Variants in COA7 observed in about 807,000 individuals in gnomAD.
COA7 encodes the protein Sel1 repeat containing 1.
In COA7, 12 loss-of-function variants were observed where a neutral mutation model predicts 21.0. The observed-to-expected ratio is 0.57, with a 90% CI of 0.37 to 0.92. COA7 has a LOEUF of 0.92. Ranked by LOEUF, COA7 falls within the 40% of genes least tolerant of loss-of-function variation. The pLI, the probability that COA7 is intolerant of heterozygous loss-of-function variation, is 0.01. For missense variants in COA7, 240 were observed against 286.1 expected (o/e 0.84, Z 1.16); for synonymous variants, 95 against 107.4 (o/e 0.88, Z 0.72).
intron 1 of COA7, among the ~76,000 whole-genome samples, chr1:52,695,002 A>G (rs1474888070): frequency 6.6e-6 from 1 of 152,114 alleles, no homozygotes; most frequent in Non-Finnish European, 1.5e-5. Flanking sequence ...AAAATAAGTA[A>G]TATGATTCAG....
At chr1:52,691,447 ATTAC>A (rs1432866712) in intron 2 of COA7, among the ~76,000 whole-genome samples, 2 of 144,582 alleles carry the variant, frequency 1.4e-5, no homozygotes, top group Non-Finnish European at 3.0e-5. Context: ...CAAAGGTCCT[ATTAC>A]TTATTTATGT....
intron 1 of COA7, chr1:52,698,008 G>A (rs1156303822): frequency 1.1e-5 from 6 of 556,394 alleles, no homozygotes; most frequent in Non-Finnish European, 1.9e-5. Flanking sequence ...TAACCCAAAA[G>A]CCCCAGCACG....
chr1:52,690,615 A>C (rs1644038257), intron 2 of COA7, among the ~76,000 whole-genome samples: 1 of 152,092 alleles, frequency 6.6e-6, no homozygotes, highest in Non-Finnish European at 1.5e-5. Context: ...GGCTATCAAG[A>C]GTTTAGAAAA....
At chr1:52,690,056 AT>A (rs1321893119) in intron 2 of COA7, among the ~76,000 whole-genome samples, 3 of 149,084 alleles carry the variant, frequency 2.0e-5, no homozygotes, top group Admixed American at 1.3e-4. Context: ...AAAAAAAAAG[AT>A]GATTTTAAGT....
chr1:52,693,070 A>G (rs1644059563), intron 1 of COA7, among the ~76,000 whole-genome samples: 4 of 152,076 alleles, frequency 2.6e-5, no homozygotes, highest in African/African-American at 9.7e-5. Context: ...TTGTCTCCCC[A>G]CAGCCATGGA....
chr1:52,694,236 A>T (rs1205636292), intron 1 of COA7, among the ~76,000 whole-genome samples: 1 of 152,174 alleles, frequency 6.6e-6, no homozygotes, highest in African/African-American at 2.4e-5. Flanking sequence ...AGGCAGGCAG[A>T]TCACCTGAGG....
intron 1 of COA7, among the ~76,000 whole-genome samples, chr1:52,697,684 T>A (rs1200217129): frequency 6.6e-6 from 1 of 152,200 alleles, no homozygotes; most frequent in African/African-American, 2.4e-5. Context: ...ACCACTCTCC[T>A]GCCTCAGCCT....
chr1:52,689,999 C>T (rs1421717367), intron 2 of COA7, among the ~76,000 whole-genome samples: 2 of 148,224 alleles, frequency 1.3e-5, no homozygotes, highest in South Asian at 2.1e-4. Flanking sequence ...TGCACTCCAG[C>T]CTAGATGACA....
Position 52,687,513 on chromosome 1 carries a change from CA to C in COA7, c.*206del. On this transcript the variant is annotated 3_prime_UTR_variant, in exon 3 of 3. Coordinates refer to ENST00000371538, the MANE Select transcript of COA7 (RefSeq NM_023077.3). Reference sequence around the variant, plus strand: ...TGACTGTAATAAACATTGTACAGAACACCCAGATAAAGGAATATTGACTGAA... The same window carrying C: ...TGACTGTAATAAACATTGTACAGAACCCCAGATAAAGGAATATTGACTGAA... 1 of 599,882 alleles carries C rather than the reference CA, an allele frequency of 1.7e-6. No individual in the cohort carries two copies. Among genetic ancestry groups the C allele is most frequent in the Non-Finnish European group, 3.0e-6 (1 of 334,262 alleles). The allele number at this position is 599,882 out of a possible 1,614,324, so 37.2% of individuals were successfully genotyped here.
rs1643992760 is a variant in COA7 at position 52,685,265 on chromosome 1, C to G, written c.*2455G>C. 1 of 152,226 alleles carries G rather than the reference C, an allele frequency of 6.6e-6. No individual in the cohort carries two copies. Among genetic ancestry groups the G allele is most frequent in the African/African-American group, 2.4e-5 (1 of 41,462 alleles). The allele number at this position is 152,226 out of a possible 1,614,324, so 9.4% of individuals were successfully genotyped here. A position where few individuals can be genotyped will look rare whatever the true frequency, so the allele number is the denominator to read the frequency against. ...GGAATAAGAGTTCTGGTTGCTCCAACTTTCCCAGCATTTCATGCTGTCGGT... is the reference window on the plus strand; with the variant it reads ...GGAATAAGAGTTCTGGTTGCTCCAAGTTTCCCAGCATTTCATGCTGTCGGT... On this transcript the variant is annotated 3_prime_UTR_variant, in exon 3 of 3. Coordinates refer to ENST00000371538, the MANE Select transcript of COA7 (RefSeq NM_023077.3).
Position 52,691,608 on chromosome 1 carries a change from A to T in COA7, c.247+1119T>A, listed in dbSNP as rs542365743. 3.4e-4 allele frequency among the ~76,000 whole-genome samples: 52 copies of T among 151,542 alleles called. 1 individual carries two copies. Among genetic ancestry groups the T allele is most frequent in the Admixed American group, 1.3e-3 (19 of 15,178 alleles). On this transcript the variant is annotated intron_variant, in intron 2 of 2. Coordinates refer to ENST00000371538, the MANE Select transcript of COA7 (RefSeq NM_023077.3). ...TGCCTCAGCCTCCTGAGTAGCTGGG[A>T]TTACAGGTGCGCGCCACCACGCCCA...
intron 1 of COA7, among the ~76,000 whole-genome samples, chr1:52,694,160 G>A (rs1389160964): frequency 6.6e-6 from 1 of 152,182 alleles, no homozygotes; most frequent in African/African-American, 2.4e-5. Context: ...ACAGGTACAA[G>A]TGCATTATTT....
intron 1 of COA7, chr1:52,697,919 T>C: frequency 5.7e-6 from 2 of 353,204 alleles, no homozygotes; most frequent in Non-Finnish European, 5.2e-6. Context: ...CTGAGGCTTA[T>C]TGCCCGACTC....
At chr1:52,696,031 A>C (rs1207208861) in intron 1 of COA7, among the ~76,000 whole-genome samples, 1 of 151,842 alleles carries the variant, frequency 6.6e-6, no homozygotes, top group Non-Finnish European at 1.5e-5. Flanking sequence ...TTCTTCTCCC[A>C]CCCTCTCCTC....
In COA7 at chr1:52,687,859, G is replaced by A; in HGVS notation, c.557C>T (p.Ala186Val). The change falls in exon 3 of 3, where the codon GCC (alanine) becomes GTC (valine). Residue 186 changes from alanine (A) to valine (V), a missense_variant. Around this residue, in one of 3 missense-constraint regions of COA7, gnomAD observed 163 missense variants for 214.1 expected, o/e 0.76. Transcript: ENST00000371538. ...GTACATGCGACTGGCATTGGCACAG[G>A]CCCAGATATGACCCAGGTCACAGGC... ...MKACDLGHIW[A>V]CANASRMYKL... 1 of 1,614,228 alleles carries A rather than the reference G, an allele frequency of 6.2e-7. No individual in the cohort carries two copies. Among genetic ancestry groups the A allele is most frequent in the Non-Finnish European group, 8.5e-7 (1 of 1,180,040 alleles).
intron 2 of COA7, among the ~76,000 whole-genome samples, chr1:52,689,718 C>A (rs1287719682): frequency 2.0e-5 from 3 of 151,480 alleles, no homozygotes; most frequent in African/African-American, 7.3e-5. Flanking sequence ...TGGTAAAACC[C>A]CATTTCTACA....
At chr1:52,691,620 C>G (rs951084634) in intron 2 of COA7, among the ~76,000 whole-genome samples, 1 of 151,610 alleles carries the variant, frequency 6.6e-6, no homozygotes, top group Non-Finnish European at 1.5e-5. Context: ...TACAGGTGCG[C>G]GCCACCACGC....
At chr1:52,688,270 G>GTC in intron 2 of COA7, 102 bp from the exon 3 acceptor site, 1 of 900,646 alleles carries the variant, frequency 1.1e-6, no homozygotes, top group Non-Finnish European at 1.6e-6. Context: ...TGGAGAAAGG[G>GTC]TCTTGCTTTG....
At chr1:52,689,860 C>A (rs1044661245) in intron 2 of COA7, among the ~76,000 whole-genome samples, 2 of 151,898 alleles carry the variant, frequency 1.3e-5, no homozygotes, top group Non-Finnish European at 2.9e-5. Flanking sequence ...CCCATCTCTA[C>A]TAAAAATACA....
Sources: allele counts gnomAD v4.1 joint callset (sites outside exome capture counted in the v4.1 genomes callset), GRCh38; gene constraint gnomAD v4.1.1; regional missense constraint gnomAD v4.1.1; transcripts MANE v1.5; gene names NCBI Gene and HGNC (gene_info 2026-07-23, HGNC 2026-07-21).